The following CADPS2 variants were observed in gnomAD, a reference collection of about 807,000 sequenced individuals.
The protein encoded by CADPS2 is calcium dependent secretion activator 2, also known as calcium-dependent secretion activator 2.
A neutral mutation model predicts 172.5 loss-of-function variants in CADPS2; 93 were observed. That is an observed-to-expected ratio of 0.54 (90% CI 0.46 to 0.64). The LOEUF (loss-of-function observed/expected upper bound fraction) is 0.64. Ranked by LOEUF, CADPS2 falls within the 30% of genes least tolerant of loss-of-function variation. The pLI, the probability that CADPS2 is intolerant of heterozygous loss-of-function variation, is 0.00. For synonymous variants in CADPS2, 546 were observed against 555.2 expected, an observed-to-expected ratio of 0.98 and a Z score of 0.23; for missense variants, 1,420 against 1,565.9, an observed-to-expected ratio of 0.91 and a Z score of 1.57.
chr7:122,581,508 G>T (rs73218228), intron 6 of CADPS2, among the ~76,000 whole-genome samples: 30,477 of 151,992 alleles, frequency 0.2, 3,248 homozygotes, highest in East Asian at 0.34. Context: ...AAATTAGCAT[G>T]TTGGACTATA....
intron 28 of CADPS2, among the ~76,000 whole-genome samples, chr7:122,331,566 G>C (rs886878414): frequency 6.6e-6 from 1 of 152,222 alleles, no homozygotes; most frequent in African/African-American, 2.4e-5. Flanking sequence ...TTGAACCTGG[G>C]AGGTGGAGGT....
chr7:122,518,115 A>G (rs546742821), intron 8 of CADPS2, among the ~76,000 whole-genome samples: 2 of 152,094 alleles, frequency 1.3e-5, no homozygotes, highest in African/African-American at 4.8e-5. Flanking sequence ...CATTACATTT[A>G]CAGGTTCCAG....
At chr7:122,494,808 C>A (rs929648310) in intron 9 of CADPS2, among the ~76,000 whole-genome samples, 2 of 151,910 alleles carry the variant, frequency 1.3e-5, no homozygotes, top group East Asian at 1.9e-4. Context: ...CCTCATCTTA[C>A]AGACAGTCAA....
chr7:122,831,293 A>G (rs1438861779), intron 1 of CADPS2, among the ~76,000 whole-genome samples: 1 of 152,172 alleles, frequency 6.6e-6, no homozygotes. Flanking sequence ...CAAGCAACAA[A>G]ATGACTGTTC....
intron 3 of CADPS2, among the ~76,000 whole-genome samples, chr7:122,648,724 T>G (rs1249450051): frequency 6.6e-6 from 1 of 152,164 alleles, no homozygotes; most frequent in Non-Finnish European, 1.5e-5. Flanking sequence ...ACCCAGGCCA[T>G]AGTTCTCAAG....
chr7:122,728,235 A>T (rs986261300), intron 2 of CADPS2, among the ~76,000 whole-genome samples: 1 of 151,936 alleles, frequency 6.6e-6, no homozygotes, highest in African/African-American at 2.4e-5. Flanking sequence ...AAGACCAAGC[A>T]ATGCAGTATA....
chr7:122,376,829 T>G (rs1406066185), intron 25 of CADPS2, among the ~76,000 whole-genome samples: 1 of 152,156 alleles, frequency 6.6e-6, no homozygotes, highest in Non-Finnish European at 1.5e-5. Flanking sequence ...GGTTGTATAC[T>G]TACCTACAAA....
intron 2 of CADPS2, 134 bp from the exon 3 acceptor site, chr7:122,663,703 T>A: frequency 1.5e-6 from 1 of 688,836 alleles, no homozygotes; most frequent in Non-Finnish European, 2.4e-6. Context: ...TGATTCAAAA[T>A]GTTTTATAAT....
At chr7:122,670,594 C>G (rs984547284) in intron 2 of CADPS2, among the ~76,000 whole-genome samples, 2 of 151,880 alleles carry the variant, frequency 1.3e-5, no homozygotes, top group Non-Finnish European at 2.9e-5. Flanking sequence ...GCCTCCCGGG[C>G]TGAAGCAATT....
At chr7:122,840,326 G>GC (rs1215636541) in intron 1 of CADPS2, among the ~76,000 whole-genome samples, 1 of 152,012 alleles carries the variant, frequency 6.6e-6, no homozygotes, top group Non-Finnish European at 1.5e-5. Flanking sequence ...TATACCTAAT[G>GC]TAAATGATGA....
At chr7:122,525,438 T>C (rs2061151749) in intron 8 of CADPS2, among the ~76,000 whole-genome samples, 1 of 152,206 alleles carries the variant, frequency 6.6e-6, no homozygotes, top group Non-Finnish European at 1.5e-5. Flanking sequence ...ACTTCAACTT[T>C]ACACTTTGTG....
At chr7:122,568,172 G>A (rs1305792513) in intron 7 of CADPS2, among the ~76,000 whole-genome samples, 3 of 152,112 alleles carry the variant, frequency 2.0e-5, no homozygotes, top group Non-Finnish European at 4.4e-5. Flanking sequence ...GCCAAGGTGG[G>A]TGGACTGCTT....
chr7:122,785,380 G>C (rs1470607723), intron 1 of CADPS2, among the ~76,000 whole-genome samples: 1 of 152,120 alleles, frequency 6.6e-6, no homozygotes, highest in Non-Finnish European at 1.5e-5. Flanking sequence ...CTTCATATTA[G>C]AATCACTTGG....
chr7:122,680,378 AAT>A (rs1266117539), intron 2 of CADPS2, among the ~76,000 whole-genome samples: 1 of 152,188 alleles, frequency 6.6e-6, no homozygotes, highest in African/African-American at 2.4e-5. Flanking sequence ...AACTTTTCTA[AAT>A]CCCTTATGAT....
intron 2 of CADPS2, among the ~76,000 whole-genome samples, chr7:122,667,157 G>A (rs946279322): frequency 4.6e-5 from 7 of 152,192 alleles, no homozygotes; most frequent in African/African-American, 1.7e-4. Flanking sequence ...CTGAAGAGCT[G>A]CAAGATTGTC....
chr7:122,486,325 G>A (rs2057810141), intron 11 of CADPS2, among the ~76,000 whole-genome samples: 1 of 152,134 alleles, frequency 6.6e-6, no homozygotes, highest in East Asian at 1.9e-4. Context: ...GTGATTCTTG[G>A]GCGGAGGTAA....
chr7:122,734,209 C>T (rs2091927755), intron 2 of CADPS2, among the ~76,000 whole-genome samples: 1 of 149,858 alleles, frequency 6.7e-6, no homozygotes, highest in African/African-American at 2.4e-5. Context: ...GTTTATAAGA[C>T]TTATTCTAAA....
chr7:122,876,312 T>A (rs1335394212), intron 1 of CADPS2, among the ~76,000 whole-genome samples: 1 of 152,150 alleles, frequency 6.6e-6, no homozygotes, highest in African/African-American at 2.4e-5. Flanking sequence ...AGAGCAAGAC[T>A]TTGTGTCAAA....
chr7:122,747,106 C>T (rs2092748504), intron 1 of CADPS2, among the ~76,000 whole-genome samples: 1 of 152,026 alleles, frequency 6.6e-6, no homozygotes, highest in African/African-American at 2.4e-5. Context: ...CTGTGGCAAA[C>T]AGCAATTGAG....
Sources: allele counts gnomAD v4.1 joint callset (sites outside exome capture counted in the v4.1 genomes callset), GRCh38; gene constraint gnomAD v4.1.1; transcripts MANE v1.5; gene names NCBI Gene and HGNC (gene_info 2026-07-23, HGNC 2026-07-21).